The following DAB1 variants were observed in gnomAD, a reference collection of about 807,000 sequenced individuals.
DAB1 encodes disabled homolog 1.
DAB1 carries 15 observed loss-of-function variants against 64.6 expected under a neutral mutation model. The ratio of observed to expected loss-of-function variants is 0.23; its 90% CI spans 0.16 to 0.36. The LOEUF is 0.36. DAB1 is among the 10% of genes least tolerant of loss of function. The pLI, the probability that DAB1 is intolerant of heterozygous loss-of-function variation, is 1.00. For missense variants in DAB1, 596 were observed against 706.7 expected, an observed-to-expected ratio of 0.84 and a Z score of 1.78; for synonymous variants, 235 against 251.9, an observed-to-expected ratio of 0.93 and a Z score of 0.64.
chr1:57,695,252 AGAAAGAAG>A (rs1229400225), intron 6 of DAB1, among the ~76,000 whole-genome samples: 776 of 73,556 alleles, frequency 0.011, 97 homozygotes, highest in African/African-American at 0.036. Context: ...AAAGAAAGAA[AGAAAGAAG>A]GAAGGAAGGA....
intron 4 of DAB1, among the ~76,000 whole-genome samples, chr1:58,246,288 C>G (rs1441980665): frequency 6.6e-6 from 1 of 152,176 alleles, no homozygotes; most frequent in African/African-American, 2.4e-5. Context: ...AATGGGTAAG[C>G]CCCTGCTTTC....
At chr1:57,972,613 G>T (rs1645825587) in intron 5 of DAB1, among the ~76,000 whole-genome samples, 1 of 152,166 alleles carries the variant, frequency 6.6e-6, no homozygotes, top group Non-Finnish European at 1.5e-5. Flanking sequence ...TACTTTCAAA[G>T]GGTATAAGTA....
upstream of DAB1, among the ~76,000 whole-genome samples, chr1:57,426,287 G>C (rs1177024656): frequency 6.6e-6 from 1 of 152,200 alleles, no homozygotes; most frequent in African/African-American, 2.4e-5. Context: ...TCTCTGCTCT[G>C]TGTTGAATCA....
At chr1:57,166,680 A>C (rs907786548) in intron 2 of DAB1, among the ~76,000 whole-genome samples, 1 of 152,190 alleles carries the variant, frequency 6.6e-6, no homozygotes, top group Non-Finnish European at 1.5e-5. Flanking sequence ...GAGTGTGAGG[A>C]GATGAGAGGA....
chr1:58,083,937 G>A (rs1269067536), intron 5 of DAB1, among the ~76,000 whole-genome samples: 1 of 152,118 alleles, frequency 6.6e-6, no homozygotes, highest in Non-Finnish European at 1.5e-5. Context: ...GTTCTAGGGA[G>A]AGCGAACAGC....
intron 3 of DAB1, among the ~76,000 whole-genome samples, chr1:58,388,281 A>T (rs747995159): frequency 3.3e-5 from 5 of 152,210 alleles, no homozygotes; most frequent in Admixed American, 6.5e-5. Context: ...GTACCTACCT[A>T]GAAATCCTAA....
At chr1:57,319,081 C>T (rs1196573101) in intron 1 of DAB1, among the ~76,000 whole-genome samples, 1 of 152,212 alleles carries the variant, frequency 6.6e-6, no homozygotes, top group Non-Finnish European at 1.5e-5. Context: ...CTAGAACATT[C>T]TCAGGGGTCG....
At chr1:58,159,334 C>A (rs984310690) in intron 4 of DAB1, among the ~76,000 whole-genome samples, 1 of 152,114 alleles carries the variant, frequency 6.6e-6, no homozygotes, top group African/African-American at 2.4e-5. Context: ...TGAATCCCAT[C>A]GAGTTTATCC....
intron 7 of DAB1, among the ~76,000 whole-genome samples, chr1:57,551,185 G>A (rs1348217827): frequency 1.3e-5 from 2 of 152,162 alleles, no homozygotes; most frequent in African/African-American, 4.8e-5. Context: ...TCTCCCACGG[G>A]CACTGTGGAA....
At chr1:58,223,362 G>C (rs1015414176) in intron 4 of DAB1, among the ~76,000 whole-genome samples, 26 of 152,168 alleles carry the variant, frequency 1.7e-4, no homozygotes, top group Non-Finnish European at 2.2e-4. Flanking sequence ...AGGTATAATT[G>C]AGTTTCTGAT....
chr1:58,417,649 T>C (rs781204025), intron 3 of DAB1, among the ~76,000 whole-genome samples: 38 of 152,248 alleles, frequency 2.5e-4, no homozygotes, highest in Non-Finnish European at 4.8e-4. Context: ...TCTCAGCTTT[T>C]CCACTTCCTA....
At chr1:57,813,812 C>T (rs140669238) in intron 6 of DAB1, among the ~76,000 whole-genome samples, 1 of 152,292 alleles carries the variant, frequency 6.6e-6, no homozygotes, top group African/African-American at 2.4e-5. Flanking sequence ...TGCATCGAAG[C>T]CTTATAGATA....
intron 6 of DAB1, among the ~76,000 whole-genome samples, chr1:57,744,586 G>T (rs1000036619): frequency 1.3e-5 from 2 of 152,140 alleles, no homozygotes; most frequent in Non-Finnish European, 2.9e-5. Flanking sequence ...TGAAGTCACC[G>T]AGGAAGTGGA....
chr1:57,823,150 A>G (rs901387498), downstream of DAB1, among the ~76,000 whole-genome samples: 1 of 151,782 alleles, frequency 6.6e-6, no homozygotes, highest in African/African-American at 2.4e-5. Flanking sequence ...ACACCTGGCT[A>G]ATTTTTGTAT....
intron 3 of DAB1, among the ~76,000 whole-genome samples, chr1:58,428,602 T>G (rs1644841810): frequency 6.6e-6 from 1 of 152,232 alleles, no homozygotes; most frequent in Non-Finnish European, 1.5e-5. Context: ...TTTTATTAGG[T>G]GTGATAATGG....
intron 5 of DAB1, among the ~76,000 whole-genome samples, chr1:58,118,085 A>G (rs1387028749): frequency 6.6e-6 from 1 of 151,536 alleles, no homozygotes; most frequent in Non-Finnish European, 1.5e-5. Context: ...TATTTTTTTA[A>G]TGTTTTGTAG....
intron 1 of DAB1, among the ~76,000 whole-genome samples, chr1:57,320,005 C>T (rs1246370611): frequency 6.6e-6 from 1 of 152,144 alleles, no homozygotes; most frequent in Non-Finnish European, 1.5e-5. Context: ...CTGATAACAA[C>T]TTTGAACTAT....
chr1:58,402,755 C>T (rs1489657543), intron 3 of DAB1, among the ~76,000 whole-genome samples: 1 of 152,102 alleles, frequency 6.6e-6, no homozygotes, highest in Non-Finnish European at 1.5e-5. Context: ...ATGCTAGGAG[C>T]TGATATTATA....
chr1:57,143,402 T>C (rs1013847294), intron 3 of DAB1, among the ~76,000 whole-genome samples: 4 of 152,156 alleles, frequency 2.6e-5, no homozygotes, highest in African/African-American at 9.7e-5. Context: ...AGAAAGCTCA[T>C]CATTGGACTA....
Sources: allele counts gnomAD v4.1 joint callset (sites outside exome capture counted in the v4.1 genomes callset), GRCh38; gene constraint gnomAD v4.1.1; transcripts MANE v1.5; gene names NCBI Gene and HGNC (gene_info 2026-07-23, HGNC 2026-07-21).